Variants in GRM5 observed in about 807,000 individuals in gnomAD.
GRM5 encodes metabotropic glutamate receptor 5.
A neutral mutation model predicts 83.1 loss-of-function variants in GRM5; 19 were observed. The ratio of observed to expected loss-of-function variants is 0.23; its 90% CI spans 0.16 to 0.34. GRM5 has a LOEUF of 0.34. GRM5 is among the 10% of genes least tolerant of loss of function. The pLI is 1.00. For synonymous variants in GRM5, 675 were observed against 633.6 expected (o/e 1.07, Z -0.98); for missense variants, 1,160 against 1,588.3 (o/e 0.73, Z 4.58).
At chr11:88,916,906 G>C (rs1194962743) in intron 2 of GRM5, among the ~76,000 whole-genome samples, 1 of 152,134 alleles carries the variant, frequency 6.6e-6, no homozygotes, top group Admixed American at 6.6e-5. Context: ...TGGGCCAGAA[G>C]GGAACCTGCA....
chr11:88,579,349 T>C (rs1019859549), intron 7 of GRM5, among the ~76,000 whole-genome samples: 1 of 152,188 alleles, frequency 6.6e-6, no homozygotes, highest in African/African-American at 2.4e-5. Flanking sequence ...CAAAAGTTAC[T>C]GTATTTTGGC....
rs55766167 is a variant in GRM5, at chr11:89,047,942, G to A, written c.-70C>T. On this transcript the variant is annotated 5_prime_UTR_variant, in exon 2 of 10. Coordinates refer to ENST00000305447, the MANE Select transcript of GRM5 (RefSeq NM_001143831.3). The surrounding 1 kb of genome is among the most constrained non-coding windows in gnomAD (Gnocchi z 5.1). ...AATTCAGGAGGGTTCTGATAGCTAC[G>A]AACAAGCGATGTCCTACGTTGAGTC... The A allele has an allele frequency of 2.4e-5, 28 of 1,166,366 alleles. No individual in the cohort carries two copies. Among genetic ancestry groups the A allele is most frequent in the Admixed American group, 3.7e-5 (2 of 53,776 alleles). The allele number at this position is 1,166,366 out of a possible 1,614,324, so 72.3% of individuals were successfully genotyped here.
At chr11:88,995,826 A>C (rs1298606430) in intron 2 of GRM5, among the ~76,000 whole-genome samples, 1 of 152,100 alleles carries the variant, frequency 6.6e-6, no homozygotes, top group Non-Finnish European at 1.5e-5. Flanking sequence ...ATTCCAAATA[A>C]AATATCTACA....
chr11:88,689,191 A>G (rs1225135880), intron 3 of GRM5, among the ~76,000 whole-genome samples: 1 of 152,190 alleles, frequency 6.6e-6, no homozygotes, highest in Non-Finnish European at 1.5e-5. Context: ...ATTTCATTCA[A>G]CAAATATTTA....
At chr11:88,950,282 T>C (rs540384257) in intron 2 of GRM5, among the ~76,000 whole-genome samples, 1 of 152,112 alleles carries the variant, frequency 6.6e-6, no homozygotes, top group South Asian at 2.1e-4. Flanking sequence ...TGCTGTACTG[T>C]TAATTGAAAA....
chr11:88,597,392 T>C (rs201318960), intron 5 of GRM5, 40 bp from the exon 6 acceptor site: 18 of 1,097,400 alleles, frequency 1.6e-5, no homozygotes, highest in Non-Finnish European at 2.2e-5. Context: ...GCTTAAGATG[T>C]AAATACTCAG....
At chr11:88,596,962 G>A (rs1591371872) in intron 6 of GRM5, among the ~76,000 whole-genome samples, 1 of 152,048 alleles carries the variant, frequency 6.6e-6, no homozygotes, top group East Asian at 1.9e-4. Context: ...GAGCAGAAAC[G>A]GTGTGGGCAA....
chr11:88,716,984 A>C (rs763145041), intron 3 of GRM5, among the ~76,000 whole-genome samples: 3 of 151,992 alleles, frequency 2.0e-5, no homozygotes, highest in African/African-American at 4.8e-5. Flanking sequence ...GACTTAAACT[A>C]ATTATGAAGA....
chr11:88,629,116 A>G (rs1938886858), intron 4 of GRM5, among the ~76,000 whole-genome samples: 1 of 152,210 alleles, frequency 6.6e-6, no homozygotes, highest in Non-Finnish European at 1.5e-5. Flanking sequence ...CCAAAGCTTC[A>G]GCACCTGAAG....
intron 3 of GRM5, among the ~76,000 whole-genome samples, chr11:88,695,990 G>T (rs1258819282): frequency 1.3e-5 from 2 of 152,164 alleles, no homozygotes; most frequent in African/African-American, 2.4e-5. Flanking sequence ...TAGACCCTCT[G>T]CCTTACCACA....
intron 2 of GRM5, among the ~76,000 whole-genome samples, chr11:89,004,254 T>A (rs1414144970): frequency 6.6e-6 from 1 of 152,206 alleles, no homozygotes; most frequent in Non-Finnish European, 1.5e-5. Flanking sequence ...ATAAGAGAGA[T>A]GTCTAAGGTA....
intron 2 of GRM5, among the ~76,000 whole-genome samples, chr11:88,859,087 A>T (rs1308003732): frequency 2.0e-5 from 3 of 152,038 alleles, no homozygotes; most frequent in Non-Finnish European, 4.4e-5. Context: ...TCTTTTTTTT[A>T]AAACACTCTG....
chr11:89,048,307 C>A (rs1246528648), intron 1 of GRM5, among the ~76,000 whole-genome samples: 1 of 152,150 alleles, frequency 6.6e-6, no homozygotes, highest in Non-Finnish European at 1.5e-5. Context: ...TGTTCACCTG[C>A]AATACACAAA....
intron 8 of GRM5, among the ~76,000 whole-genome samples, chr11:88,557,827 C>T (rs1222854259): frequency 4.0e-5 from 6 of 150,966 alleles, no homozygotes; most frequent in East Asian, 1.9e-4. Context: ...TAGGTATACA[C>T]GTGCCATGGT....
chr11:88,660,408 T>C (rs1939874158), intron 3 of GRM5, among the ~76,000 whole-genome samples: 1 of 152,230 alleles, frequency 6.6e-6, no homozygotes, highest in African/African-American at 2.4e-5. Context: ...GCATGGATTT[T>C]CACTAGTTGA....
intron 3 of GRM5, among the ~76,000 whole-genome samples, chr11:88,847,848 T>C (rs927561448): frequency 6.6e-6 from 1 of 152,176 alleles, no homozygotes; most frequent in African/African-American, 2.4e-5. Context: ...ATACCCAAAA[T>C]ATAAAATTTT....
chr11:88,906,262 A>G (rs1945403091), intron 2 of GRM5, among the ~76,000 whole-genome samples: 1 of 152,148 alleles, frequency 6.6e-6, no homozygotes, highest in African/African-American at 2.4e-5. Flanking sequence ...TATTTTGATG[A>G]AAGACTCACA....
intron 3 of GRM5, among the ~76,000 whole-genome samples, chr11:88,687,855 A>G (rs915190716): frequency 3.3e-5 from 5 of 151,614 alleles, no homozygotes; most frequent in African/African-American, 1.2e-4. Context: ...CAGACATTTT[A>G]ATTAAGATTA....
At chr11:88,698,822 T>C (rs866024383) in intron 3 of GRM5, among the ~76,000 whole-genome samples, 1 of 152,170 alleles carries the variant, frequency 6.6e-6, no homozygotes, top group Admixed American at 6.6e-5. Flanking sequence ...ATGAACAGAC[T>C]GAATGAATGA....
Sources: allele counts gnomAD v4.1 joint callset (sites outside exome capture counted in the v4.1 genomes callset), GRCh38; gene constraint gnomAD v4.1.1; non-coding constraint Gnocchi (gnomAD v3.1); transcripts MANE v1.5; gene names NCBI Gene and HGNC (gene_info 2026-07-23, HGNC 2026-07-21).